The following CREB5 variants were observed in gnomAD, a reference collection of about 807,000 sequenced individuals.
The protein encoded by CREB5 is cAMP responsive element binding protein 5.
CREB5 carries 19 observed loss-of-function variants against 57.1 expected under a neutral mutation model. The observed-to-expected ratio is 0.33, with a 90% CI of 0.23 to 0.49. CREB5 has a LOEUF of 0.49. Ranked by LOEUF, CREB5 falls within the 20% of genes least tolerant of loss-of-function variation. The pLI is 0.99. For missense variants in CREB5, 579 were observed against 671.6 expected (o/e 0.86, Z 1.52); for synonymous variants, 238 against 238.3 (o/e 1.00, Z 0.01).
At chr7:28,465,059 A>G (rs1017519163) in intron 1 of CREB5, among the ~76,000 whole-genome samples, 2 of 152,186 alleles carry the variant, frequency 1.3e-5, no homozygotes, top group Non-Finnish European at 2.9e-5. Context: ...TTAGGAGAAA[A>G]GAAAATTTGA....
At chr7:28,613,063 C>G (rs959993687) in intron 5 of CREB5, among the ~76,000 whole-genome samples, 15 of 152,210 alleles carry the variant, frequency 9.9e-5, no homozygotes, top group African/African-American at 3.4e-4. Context: ...TGTAGTATGT[C>G]CTAATCGATA....
intron 5 of CREB5, among the ~76,000 whole-genome samples, chr7:28,681,246 A>C (rs1800576308): frequency 6.6e-6 from 1 of 152,234 alleles, no homozygotes; most frequent in Non-Finnish European, 1.5e-5. Context: ...AAGTGTGAGC[A>C]ATAATACAAA....
Position 28,450,204 on chromosome 7 carries a change from G to A in CREB5, c.3+37287G>A, listed in dbSNP as rs573089116. Among the ~76,000 whole-genome samples the A allele has an allele frequency of 5.3e-5, 8 of 152,306 alleles. No homozygotes were observed. In the South Asian group the frequency reaches 1.7e-3, roughly 32 times the overall value. On this transcript the variant is annotated intron_variant, in intron 1 of 10. Coordinates refer to ENST00000357727, the MANE Select transcript of CREB5 (RefSeq NM_182898.4). Reference sequence around the variant, plus strand: ...TGCTGTTTGATTGATGAATCCTGTTGTGACTGATAATAATGATTCTGATGC... The same window carrying A: ...TGCTGTTTGATTGATGAATCCTGTTATGACTGATAATAATGATTCTGATGC...
At chr7:28,608,388 T>A (rs1200630855) in intron 5 of CREB5, among the ~76,000 whole-genome samples, 1 of 152,158 alleles carries the variant, frequency 6.6e-6, no homozygotes, top group African/African-American at 2.4e-5. Flanking sequence ...TTGGGAATTC[T>A]GTTTTGTTTT....
At chr7:28,359,250 G>C (rs2127991848) in intron 1 of CREB5, among the ~76,000 whole-genome samples, 1 of 150,636 alleles carries the variant, frequency 6.6e-6, no homozygotes, top group South Asian at 2.1e-4. Context: ...TTAAGTACTG[G>C]CTGGATAAAG....
intron 5 of CREB5, among the ~76,000 whole-genome samples, chr7:28,716,495 T>C (rs60929414): frequency 6.6e-6 from 1 of 152,104 alleles, no homozygotes; most frequent in East Asian, 1.9e-4. Flanking sequence ...TCTATTGAGA[T>C]GGATATATAG....
chr7:28,387,607 G>A (rs1291539551), intron 1 of CREB5, among the ~76,000 whole-genome samples: 1 of 152,034 alleles, frequency 6.6e-6, no homozygotes, highest in African/African-American at 2.4e-5. Flanking sequence ...ACATGTGAAA[G>A]AGCAACACAC....
At chr7:28,556,277 G>A (rs951655899) in intron 4 of CREB5, among the ~76,000 whole-genome samples, 2 of 152,090 alleles carry the variant, frequency 1.3e-5, no homozygotes, top group Admixed American at 6.6e-5. Flanking sequence ...TTCTAAGCCC[G>A]ATTGTTTCAC....
chr7:28,493,725 C>T (rs1388810281), intron 2 of CREB5, among the ~76,000 whole-genome samples: 2 of 152,124 alleles, frequency 1.3e-5, no homozygotes, highest in Admixed American at 1.3e-4. Context: ...TTCAGTCCCA[C>T]CATGTGACCA....
At chr7:28,799,535 G>A (rs1808246112) in intron 7 of CREB5, among the ~76,000 whole-genome samples, 1 of 152,156 alleles carries the variant, frequency 6.6e-6, no homozygotes, top group African/African-American at 2.4e-5. Flanking sequence ...AACAGTATAA[G>A]CTAATTATTT....
chr7:28,604,053 G>C (rs1797025480), intron 5 of CREB5, among the ~76,000 whole-genome samples: 1 of 152,100 alleles, frequency 6.6e-6, no homozygotes, highest in Non-Finnish European at 1.5e-5. Context: ...ACCAGTTCAT[G>C]TGCATCTTCT....
At chr7:28,724,694 C>G (rs1331552691) in intron 7 of CREB5, 1 of 177,260 alleles carries the variant, frequency 5.6e-6, no homozygotes, top group Non-Finnish European at 1.2e-5. Flanking sequence ...GTTTCAATGC[C>G]ACTCTTCCTG....
chr7:28,481,416 G>T (rs1791327293), intron 1 of CREB5, among the ~76,000 whole-genome samples: 1 of 152,098 alleles, frequency 6.6e-6, no homozygotes, highest in South Asian at 2.1e-4. Context: ...AGGCCTTCTG[G>T]GGGAGACTAC....
At chr7:28,583,060 G>T (rs910043494) in intron 5 of CREB5, among the ~76,000 whole-genome samples, 4 of 152,172 alleles carry the variant, frequency 2.6e-5, no homozygotes, top group African/African-American at 4.8e-5. Flanking sequence ...AGCATGAGGG[G>T]TGTGGAGATT....
chr7:28,633,150 A>G (rs1240964438), intron 5 of CREB5, among the ~76,000 whole-genome samples: 1 of 152,236 alleles, frequency 6.6e-6, no homozygotes, highest in Non-Finnish European at 1.5e-5. Context: ...TAAGGCACAG[A>G]GAAGCAAAAC....
At chr7:28,389,166 T>A (rs967523359) in intron 1 of CREB5, among the ~76,000 whole-genome samples, 3 of 152,338 alleles carry the variant, frequency 2.0e-5, no homozygotes, top group Admixed American at 6.5e-5. Flanking sequence ...GGAAATAATT[T>A]GAAAAATCTG....
At chr7:28,686,638 C>T (rs1320134810) in intron 5 of CREB5, among the ~76,000 whole-genome samples, 2 of 152,146 alleles carry the variant, frequency 1.3e-5, no homozygotes, top group African/African-American at 2.4e-5. Flanking sequence ...AGGAACCAAT[C>T]GCTTGAATGG....
At chr7:28,553,723 CT>C (rs1486864783) in intron 4 of CREB5, among the ~76,000 whole-genome samples, 2 of 152,174 alleles carry the variant, frequency 1.3e-5, no homozygotes, top group Non-Finnish European at 2.9e-5. Context: ...GAAAGTGATT[CT>C]TTGCTGGATT....
chr7:28,506,730 G>A (rs1223761479), intron 3 of CREB5, among the ~76,000 whole-genome samples: 1 of 152,226 alleles, frequency 6.6e-6, no homozygotes, highest in African/African-American at 2.4e-5. Context: ...CACCAAGGAA[G>A]ATGATTGCAC....
Sources: allele counts gnomAD v4.1 joint callset (sites outside exome capture counted in the v4.1 genomes callset), GRCh38; gene constraint gnomAD v4.1.1; transcripts MANE v1.5; gene names NCBI Gene and HGNC (gene_info 2026-07-23, HGNC 2026-07-21).